Variants in CTNNA3 observed in about 807,000 individuals in gnomAD.
CTNNA3 encodes catenin alpha 3, also known as catenin alpha-3.
Under a neutral mutation model 95.7 loss-of-function variants are expected in CTNNA3, and 76 were observed. The ratio of observed to expected loss-of-function variants is 0.79; its 90% CI spans 0.66 to 0.96. The LOEUF (loss-of-function observed/expected upper bound fraction) is 0.96, where lower values mean the gene tolerates loss of function less well. Ranked by LOEUF, CTNNA3 falls within the 40% of genes least tolerant of loss-of-function variation. The probability of loss-of-function intolerance (pLI) is 0.00; values close to 1 mark genes in which losing one functional copy is unlikely to be tolerated. For missense variants in CTNNA3, 1,191 were observed against 1,089.8 expected, an observed-to-expected ratio of 1.09 and a Z score of -1.31; for synonymous variants, 431 against 374.4, an observed-to-expected ratio of 1.15 and a Z score of -1.74.
intron 5 of CTNNA3, among the ~76,000 whole-genome samples, chr10:67,512,231 G>A (rs1839659550): frequency 6.6e-6 from 1 of 152,124 alleles, no homozygotes; most frequent in African/African-American, 2.4e-5. Context: ...AACAAGTGTT[G>A]GTGAGTGTAA....
intron 5 of CTNNA3, among the ~76,000 whole-genome samples, chr10:67,388,839 A>C (rs1844317604): frequency 6.6e-6 from 1 of 152,078 alleles, no homozygotes; most frequent in Non-Finnish European, 1.5e-5. Flanking sequence ...GAAATAAAAT[A>C]CTTTATAGAC....
chr10:66,501,624 C>T (rs1048869980), intron 11 of CTNNA3, among the ~76,000 whole-genome samples: 1 of 152,148 alleles, frequency 6.6e-6, no homozygotes, highest in African/African-American at 2.4e-5. Flanking sequence ...TCCCCCCATA[C>T]TATCAAGATT....
At chr10:66,508,359 T>G (rs984570967) in intron 11 of CTNNA3, among the ~76,000 whole-genome samples, 1 of 151,952 alleles carries the variant, frequency 6.6e-6, no homozygotes, top group African/African-American at 2.4e-5. Context: ...CAGAAGGTAC[T>G]TTTTAACTGC....
chr10:66,545,495 C>T (rs1182193982), intron 10 of CTNNA3, among the ~76,000 whole-genome samples: 2 of 152,026 alleles, frequency 1.3e-5, no homozygotes, highest in African/African-American at 4.8e-5. Context: ...ACAATTAATG[C>T]TGCTATTAAT....
intron 5 of CTNNA3, among the ~76,000 whole-genome samples, chr10:67,339,777 T>C (rs1589187121): frequency 1.3e-5 from 2 of 152,212 alleles, no homozygotes; most frequent in Non-Finnish European, 2.9e-5. Flanking sequence ...AGATGTAACA[T>C]ATCTCTAAGA....
intron 17 of CTNNA3, among the ~76,000 whole-genome samples, chr10:65,959,346 G>A (rs532633987): frequency 1.3e-5 from 2 of 152,310 alleles, no homozygotes; most frequent in East Asian, 1.9e-4. Context: ...CTTCCTGGGT[G>A]AGGCAATGCC....
chr10:66,309,880 A>G (rs190266833), intron 12 of CTNNA3, among the ~76,000 whole-genome samples: 3 of 150,218 alleles, frequency 2.0e-5, no homozygotes, highest in Admixed American at 2.0e-4. Context: ...CAACATGGTG[A>G]AACCCCGTCT....
intron 5 of CTNNA3, among the ~76,000 whole-genome samples, chr10:67,493,939 G>T (rs975938915): frequency 6.6e-6 from 1 of 151,958 alleles, no homozygotes; most frequent in African/African-American, 2.4e-5. Context: ...ATGCTGAAAA[G>T]GAAAAATGAG....
intron 1 of CTNNA3, among the ~76,000 whole-genome samples, chr10:67,726,400 T>A (rs1322328190): frequency 1.7e-5 from 1 of 57,254 alleles, no homozygotes; most frequent in East Asian, 8.4e-4. Flanking sequence ...ATATATTATA[T>A]ATTATATCAT....
chr10:66,120,995 A>G (rs949663512), intron 13 of CTNNA3, among the ~76,000 whole-genome samples: 3 of 152,172 alleles, frequency 2.0e-5, no homozygotes, highest in Non-Finnish European at 4.4e-5. Flanking sequence ...GTTTTCATAC[A>G]TTTCAAGCTT....
chr10:66,097,592 C>T (rs1232912742), intron 14 of CTNNA3, among the ~76,000 whole-genome samples: 1 of 152,024 alleles, frequency 6.6e-6, no homozygotes, highest in Non-Finnish European at 1.5e-5. Flanking sequence ...TATGTGACTC[C>T]AAAGTCCATT....
At chr10:66,600,264 A>G (rs888929301) in intron 10 of CTNNA3, among the ~76,000 whole-genome samples, 5 of 152,032 alleles carry the variant, frequency 3.3e-5, no homozygotes, top group Middle Eastern at 3.4e-3. Context: ...TCCTAAGCAG[A>G]AAGTTTTAAT....
intron 5 of CTNNA3, among the ~76,000 whole-genome samples, chr10:67,235,082 T>C (rs1205729405): frequency 1.3e-5 from 2 of 151,698 alleles, no homozygotes; most frequent in Non-Finnish European, 2.9e-5. Context: ...AAAATGGCCA[T>C]ACTGCCCAAG....
intron 15 of CTNNA3, among the ~76,000 whole-genome samples, chr10:65,996,623 C>T (rs2078666575): frequency 6.6e-6 from 1 of 152,148 alleles, no homozygotes; most frequent in Non-Finnish European, 1.5e-5. Context: ...GACGCCATTA[C>T]ACACTATCCA....
intron 5 of CTNNA3, among the ~76,000 whole-genome samples, chr10:67,232,663 T>G (rs1865272635): frequency 6.6e-6 from 1 of 150,776 alleles, no homozygotes. Flanking sequence ...CATAACAATA[T>G]TAACTTTAAA....
chr10:66,584,062 T>C (rs1434808726), intron 10 of CTNNA3, among the ~76,000 whole-genome samples: 4 of 151,616 alleles, frequency 2.6e-5, no homozygotes. Flanking sequence ...ATGATTTTGA[T>C]TTTTAAAAAT....
chr10:67,097,719 C>A, intron 7 of CTNNA3: 1 of 1,612,674 alleles, frequency 6.2e-7, no homozygotes, highest in African/African-American at 1.3e-5. Flanking sequence ...GATGGAAACA[C>A]ACCTAGAGAC....
At chr10:67,077,803 T>C (rs982990359) in intron 7 of CTNNA3, among the ~76,000 whole-genome samples, 2 of 152,158 alleles carry the variant, frequency 1.3e-5, no homozygotes, top group Admixed American at 6.5e-5. Flanking sequence ...TCAATGATCA[T>C]TTATTAAATG....
chr10:66,418,787 TATAGAC>T lies in CTNNA3; in HGVS notation c.1532-39441_1532-39436del, dbSNP rs199515444. Among the ~76,000 whole-genome samples, 1,045 of 152,188 alleles carry T rather than the reference TATAGAC, an allele frequency of 6.9e-3. 8 individuals are homozygous for T. Among genetic ancestry groups the T allele is most frequent in the African/African-American group, 0.024 (995 of 41,558 alleles). ...AGGAATAAAACTCATATGCTCATCT[TATAGAC>T]AAAGAAAAATCTTTTGATAAAATTC... is the stretch of plus-strand genomic sequence containing the variant. On this transcript the variant is annotated intron_variant, in intron 11 of 17. Transcript: ENST00000433211.
Sources: allele counts gnomAD v4.1 joint callset (sites outside exome capture counted in the v4.1 genomes callset), GRCh38; gene constraint gnomAD v4.1.1; transcripts MANE v1.5; gene names NCBI Gene and HGNC (gene_info 2026-07-23, HGNC 2026-07-21).